Variants in GNS observed in about 807,000 individuals in gnomAD.
The protein encoded by GNS is N-acetylglucosamine-6-sulfatase.
In GNS, 40 loss-of-function variants were observed where a neutral mutation model predicts 69.7. That is an observed-to-expected ratio of 0.57 (90% CI 0.45 to 0.75). GNS has a LOEUF of 0.75. GNS is among the 30% of genes least tolerant of loss of function. The pLI is 0.00. For synonymous variants in GNS, 243 were observed against 251.6 expected, an observed-to-expected ratio of 0.97 and a Z score of 0.32; for missense variants, 565 against 685.5, an observed-to-expected ratio of 0.82 and a Z score of 1.96.
chr12:64,725,927 C>G (rs561644976), intron 10 of GNS, among the ~76,000 whole-genome samples: 1 of 126,630 alleles, frequency 7.9e-6, no homozygotes, highest in African/African-American at 3.0e-5. Flanking sequence ...ACCAGGGAGG[C>G]GGAGCTTGCA....
At chr12:64,744,365 C>A (rs770076461) in intron 5 of GNS, among the ~76,000 whole-genome samples, 1 of 152,138 alleles carries the variant, frequency 6.6e-6, no homozygotes, top group Non-Finnish European at 1.5e-5. Flanking sequence ...ATAGGAAAGT[C>A]CCAATTTCAC....
chr12:64,718,452 C>A (rs923503872), intron 13 of GNS, among the ~76,000 whole-genome samples: 3 of 152,186 alleles, frequency 2.0e-5, no homozygotes, highest in Non-Finnish European at 4.4e-5. Flanking sequence ...TATAGGGTGA[C>A]CCTTGGGCAA....
At chr12:64,756,697 C>T (rs1459863262) in intron 1 of GNS, 13 of 1,400,566 alleles carry the variant, frequency 9.3e-6, no homozygotes, top group Non-Finnish European at 1.3e-5. Flanking sequence ...TTCTCAAATG[C>T]TCTTGTCCTA....
intron 9 of GNS, among the ~76,000 whole-genome samples, chr12:64,736,067 G>C (rs927362512): frequency 6.6e-6 from 1 of 152,216 alleles, no homozygotes; most frequent in African/African-American, 2.4e-5. Flanking sequence ...GTGTGTATTT[G>C]TTCATCTTCC....
In GNS at chr12:64,743,673, A is replaced by G. The variant is rs141277653; in HGVS notation, c.625-365T>C. ...GTGATGCCTTAAAGAATGTAAAAAG[A>G]CAGTCAACTTAAAACAGTGGGAAAG... On this transcript the variant is annotated intron_variant, in intron 5 of 13. Coordinates refer to ENST00000258145, the MANE Select transcript of GNS (RefSeq NM_002076.4). Among the ~76,000 whole-genome samples the G allele has an allele frequency of 2.0e-3, 306 of 152,340 alleles. 4 individuals carry two copies. The highest frequency in any genetic ancestry group is 0.018 in the Admixed American group (278 of 15,304).
At chr12:64,736,127 A>C (rs1273715225) in intron 9 of GNS, among the ~76,000 whole-genome samples, 1 of 152,256 alleles carries the variant, frequency 6.6e-6, no homozygotes, top group Non-Finnish European at 1.5e-5. Context: ...ATCAGGAAGG[A>C]GAGAAGACAT....
intron 10 of GNS, among the ~76,000 whole-genome samples, chr12:64,728,205 C>T (rs533112662): frequency 9.2e-4 from 140 of 152,292 alleles, no homozygotes; most frequent in African/African-American, 3.1e-3. Context: ...GGATTACAGG[C>T]GTAAGCCACC....
chr12:64,724,525 G>A (rs945753006), intron 10 of GNS, among the ~76,000 whole-genome samples: 10 of 152,188 alleles, frequency 6.6e-5, no homozygotes, highest in Non-Finnish European at 1.3e-4. Flanking sequence ...ATCCTGTGCG[G>A]CTCAGGATCT....
intron 1 of GNS, among the ~76,000 whole-genome samples, chr12:64,754,279 T>C (rs1350617670): frequency 6.6e-6 from 1 of 152,096 alleles, no homozygotes; most frequent in African/African-American, 2.4e-5. Context: ...ATGAAGAGAA[T>C]AAACCAGGAT....
Position 64,759,358 on chromosome 12 carries a change from C to A in GNS, c.-82G>T. ...AGCTGAAGGGCGAGAGGCCGACCAG[C>A]CGAAGGAATAAAAAGCCGTGCCTTG... On this transcript the variant is annotated 5_prime_UTR_variant, in exon 1 of 14. Coordinates refer to ENST00000258145, the MANE Select transcript of GNS (RefSeq NM_002076.4). 1 of 954,736 alleles carries A rather than the reference C, an allele frequency of 1.0e-6. No individual in the cohort carries two copies. The highest frequency in any genetic ancestry group is 1.7e-5 in the African/African-American group (1 of 60,572). The allele number at this position is 954,736 out of a possible 1,614,324, so 59.1% of individuals were successfully genotyped here. A position where few individuals can be genotyped will look rare whatever the true frequency, so the allele number is the denominator to read the frequency against.
At chr12:64,753,560 T>C (rs1338774906) in intron 1 of GNS, among the ~76,000 whole-genome samples, 1 of 152,220 alleles carries the variant, frequency 6.6e-6, no homozygotes, top group Non-Finnish European at 1.5e-5. Context: ...TTCACGATGA[T>C]TCTGAGATAC....
At chr12:64,746,962 T>C (rs1869915288) in intron 3 of GNS, among the ~76,000 whole-genome samples, 1 of 152,230 alleles carries the variant, frequency 6.6e-6, no homozygotes, top group South Asian at 2.1e-4. Context: ...AGAGCATAAG[T>C]ACATTTTCTC....
At chr12:64,722,196 G>T (rs1478430615) in intron 11 of GNS, among the ~76,000 whole-genome samples, 2 of 151,894 alleles carry the variant, frequency 1.3e-5, no homozygotes, top group African/African-American at 2.4e-5. Flanking sequence ...TTTTGTATTT[G>T]TAGTAGAGAT....
At chr12:64,733,347 A>G (rs1180938553) in intron 9 of GNS, among the ~76,000 whole-genome samples, 1 of 151,666 alleles carries the variant, frequency 6.6e-6, no homozygotes, top group African/African-American at 2.4e-5. Context: ...GCTTAAATCA[A>G]AGGGTATCAT....
At chr12:64,733,880 G>A (rs556995534) in intron 9 of GNS, among the ~76,000 whole-genome samples, 44 of 152,300 alleles carry the variant, frequency 2.9e-4, no homozygotes, top group Non-Finnish European at 2.6e-4. Context: ...ACTAGTCAGA[G>A]GAGAAAACGT....
chr12:64,740,565 C>T (rs1397827128), intron 7 of GNS, 41 bp downstream of exon 7: 10 of 1,066,778 alleles, frequency 9.4e-6, no homozygotes, highest in Non-Finnish European at 1.5e-5. Context: ...TTTGCAGGGT[C>T]TTTAAAACCA....
intron 2 of GNS, among the ~76,000 whole-genome samples, chr12:64,751,061 A>T (rs1226861072): frequency 6.6e-6 from 1 of 151,908 alleles, no homozygotes; most frequent in East Asian, 1.9e-4. Context: ...ATAAATTATG[A>T]ATGAGGCTGG....
intron 1 of GNS, among the ~76,000 whole-genome samples, chr12:64,755,780 G>C (rs894264883): frequency 1.3e-5 from 2 of 149,198 alleles, no homozygotes; most frequent in Non-Finnish European, 1.5e-5. Flanking sequence ...CTGGGTTCAA[G>C]TGATTCTCCC....
chr12:64,739,380 C>T lies in GNS; in HGVS notation c.994+1G>A. The T allele has an allele frequency of 7.2e-7, 1 of 1,389,442 alleles. No individual in the cohort carries two copies. The allele number at this position is 1,389,442 out of a possible 1,614,324, so 86.1% of individuals were successfully genotyped here. A position where few individuals can be genotyped will look rare whatever the true frequency, so the allele number is the denominator to read the frequency against. Reference sequence around the variant, plus strand: ...CAGCAGTACCTACTCCTGCCTCTGACCTGTGTGATAGCCATTGTCTGAGGT... The same window carrying T: ...CAGCAGTACCTACTCCTGCCTCTGATCTGTGTGATAGCCATTGTCTGAGGT... On this transcript the variant is annotated splice_donor_variant, in intron 8 of 13. Coordinates refer to ENST00000258145, the MANE Select transcript of GNS (RefSeq NM_002076.4). LOFTEE classifies it high-confidence loss of function.
Sources: allele counts gnomAD v4.1 joint callset (sites outside exome capture counted in the v4.1 genomes callset), GRCh38; gene constraint gnomAD v4.1.1; transcripts MANE v1.5; gene names NCBI Gene and HGNC (gene_info 2026-07-23, HGNC 2026-07-21).